Variants in MAP3K2 observed in about 807,000 individuals in gnomAD.
MAP3K2 encodes the protein mitogen-activated protein kinase kinase kinase 2, also known as MAP/ERK kinase kinase 2.
A neutral mutation model predicts 80.3 loss-of-function variants in MAP3K2; 24 were observed. That is an observed-to-expected ratio of 0.30 (90% CI 0.22 to 0.42). The LOEUF (loss-of-function observed/expected upper bound fraction) is 0.42, where lower values mean the gene tolerates loss of function less well. Among genes scored for constraint, MAP3K2 ranks in the 10% least tolerant of loss-of-function variants. The probability of loss-of-function intolerance (pLI) is 1.00; values close to 1 mark genes in which losing one functional copy is unlikely to be tolerated. For synonymous variants in MAP3K2, 244 were observed against 253.7 expected, an observed-to-expected ratio of 0.96 and a Z score of 0.36; for missense variants, 608 against 750.1, an observed-to-expected ratio of 0.81 and a Z score of 2.21.
intron 9 of MAP3K2, among the ~76,000 whole-genome samples, chr2:127,325,459 G>A (rs1413474292): frequency 6.6e-6 from 1 of 152,164 alleles, no homozygotes; most frequent in Non-Finnish European, 1.5e-5. Flanking sequence ...CAGGAGGTTC[G>A]CTTGAGCCCA....
intron 1 of MAP3K2, among the ~76,000 whole-genome samples, chr2:127,375,909 A>G (rs890366498): frequency 2.8e-5 from 4 of 144,504 alleles, no homozygotes; most frequent in Non-Finnish European, 4.5e-5. Flanking sequence ...CCTTGATTGG[A>G]AAAAAAAAAA....
At chr2:127,384,791 TCAC>T (rs901592954) in intron 1 of MAP3K2, among the ~76,000 whole-genome samples, 1 of 151,574 alleles carries the variant, frequency 6.6e-6, no homozygotes, top group Admixed American at 6.6e-5. Flanking sequence ...GCTTCCCAAA[TCAC>T]CACAACCGGC....
rs187735208 is a variant in MAP3K2, at chr2:127,310,200, C to T, written c.1457-1438G>A. Among the ~76,000 whole-genome samples, 181 of 152,336 alleles carry T rather than the reference C, an allele frequency of 1.2e-3. 1 individual carries two copies. Among genetic ancestry groups the T allele is most frequent in the African/African-American group, 4.1e-3 (170 of 41,568 alleles). On this transcript the variant is annotated intron_variant, in intron 15 of 16. Transcript: ENST00000682094. The surrounding 1 kb of genome is among the most constrained non-coding windows in gnomAD (Gnocchi z 4.8). Reference sequence around the variant, plus strand: ...ACTCTGTGTCCCTTTGCCATACCCCCATCATTGTATCCTTGGCTTTTGTTT... The same window carrying T: ...ACTCTGTGTCCCTTTGCCATACCCCTATCATTGTATCCTTGGCTTTTGTTT...
chr2:127,340,811 G>T (rs1274784409), intron 2 of MAP3K2, among the ~76,000 whole-genome samples: 1 of 151,968 alleles, frequency 6.6e-6, no homozygotes, highest in Non-Finnish European at 1.5e-5. Flanking sequence ...TCCCACCTTG[G>T]CCTCCCAAAG....
intron 5 of MAP3K2, 43 bp downstream of exon 5, chr2:127,335,827 T>C: frequency 9.1e-7 from 1 of 1,097,830 alleles, no homozygotes; most frequent in Non-Finnish European, 1.3e-6. Context: ...AACACATTAC[T>C]TTTGAAGGTA....
At chr2:127,380,443 A>G (rs751502644) in intron 1 of MAP3K2, among the ~76,000 whole-genome samples, 76 of 152,368 alleles carry the variant, frequency 5.0e-4, no homozygotes, top group African/African-American at 1.6e-3. Context: ...AAAAAATTCC[A>G]AAGTTTATAA....
intron 1 of MAP3K2, among the ~76,000 whole-genome samples, chr2:127,346,804 A>G (rs1193054301): frequency 2.6e-5 from 4 of 151,990 alleles, no homozygotes; most frequent in Non-Finnish European, 4.4e-5. Context: ...CCTGGCCAAC[A>G]TGGCAAAACC....
chr2:127,319,650 CAAAAAAAAAAAAAAAAA>C lies in MAP3K2; in HGVS notation c.1046-1350_1046-1334del, dbSNP rs57472022. Among the ~76,000 whole-genome samples the C allele has an allele frequency of 5.6e-5, 4 of 71,828 alleles. No homozygotes were observed. In the Admixed American group the frequency reaches 6.4e-4, roughly 11 times the overall value. The allele number at this position is 71,828 out of a possible 152,430, so 47.1% of individuals were successfully genotyped here. ...TGAAACCCCATCTCTACTAAAAATA[CAAAAAAAAAAAAAAAAA>C]AAAAAAAAAAAGAAAAAGAAAAATA... On this transcript the variant is annotated intron_variant, in intron 12 of 16. Coordinates refer to ENST00000682094, the MANE Select transcript of MAP3K2 (RefSeq NM_001371910.2).
chr2:127,345,877 CTG>C (rs1168867738), intron 1 of MAP3K2, among the ~76,000 whole-genome samples: 1 of 152,036 alleles, frequency 6.6e-6, no homozygotes, highest in Non-Finnish European at 1.5e-5. Flanking sequence ...AAATTTATAA[CTG>C]TAAATATTTA....
chr2:127,367,049 T>C (rs1558989030), intron 1 of MAP3K2, among the ~76,000 whole-genome samples: 1 of 152,038 alleles, frequency 6.6e-6, no homozygotes, highest in Non-Finnish European at 1.5e-5. Context: ...TTTTGTATTT[T>C]TATTAATATA....
rs1051490860 is a variant in MAP3K2, at chr2:127,306,020, G to A, written c.*1559C>T. 4 of 150,822 alleles carry A rather than the reference G, an allele frequency of 2.7e-5. No individual in the cohort carries two copies. Among genetic ancestry groups the A allele is most frequent in the African/African-American group, 4.9e-5 (2 of 40,938 alleles). The allele number at this position is 150,822 out of a possible 1,614,324, so 9.3% of individuals were successfully genotyped here. On this transcript the variant is annotated 3_prime_UTR_variant, in exon 17 of 17. Coordinates refer to ENST00000682094, the MANE Select transcript of MAP3K2 (RefSeq NM_001371910.2). The surrounding 1 kb of genome is among the most constrained non-coding windows in gnomAD (Gnocchi z 4.7). Reference sequence around the variant, plus strand: ...TCAAAAGGCTCAGTGTTCAAATTCAGTTTGTTCCTAAAATGAAGAGTTACC... The same window carrying A: ...TCAAAAGGCTCAGTGTTCAAATTCAATTTGTTCCTAAAATGAAGAGTTACC...
chr2:127,309,193 G>C (rs1291465531), intron 15 of MAP3K2, among the ~76,000 whole-genome samples: 1 of 152,116 alleles, frequency 6.6e-6, no homozygotes. Flanking sequence ...GGGACCTTCA[G>C]AACAAAAGCA....
chr2:127,320,608 T>C (rs1199721655), intron 12 of MAP3K2, among the ~76,000 whole-genome samples: 2 of 152,078 alleles, frequency 1.3e-5, no homozygotes, highest in Non-Finnish European at 2.9e-5. Context: ...AAACTATAAA[T>C]ATAATAAACT....
At chr2:127,385,532 A>C (rs531584942) in intron 1 of MAP3K2, among the ~76,000 whole-genome samples, 17 of 152,342 alleles carry the variant, frequency 1.1e-4, no homozygotes, top group African/African-American at 4.1e-4. Context: ...AGTGGTCTGG[A>C]ACCAAAGCCA....
chr2:127,316,664 A>G (rs1573979687), intron 14 of MAP3K2, among the ~76,000 whole-genome samples: 1 of 152,232 alleles, frequency 6.6e-6, no homozygotes, highest in Admixed American at 6.5e-5. Flanking sequence ...GCAGGACTCA[A>G]TATGTCAATC....
intron 3 of MAP3K2, among the ~76,000 whole-genome samples, chr2:127,338,040 T>C (rs957666548): frequency 2.0e-5 from 3 of 152,148 alleles, no homozygotes; most frequent in Non-Finnish European, 4.4e-5. Context: ...GTATGAGACA[T>C]TTGCTGATCC....
intron 2 of MAP3K2, among the ~76,000 whole-genome samples, chr2:127,341,681 C>T (rs866231607): frequency 1.5e-4 from 23 of 151,568 alleles, no homozygotes; most frequent in South Asian, 2.1e-4. Flanking sequence ...TACAGGCGCA[C>T]GCCACCATGC....
At position 127,346,605 on chromosome 2, in the gene MAP3K2, C is replaced by A. The variant is rs141299050; in HGVS notation, c.-65-3411G>T. Among the ~76,000 whole-genome samples the A allele has an allele frequency of 1.6e-3, 244 of 152,076 alleles. 1 individual carries two copies. The highest frequency in any genetic ancestry group is 5.2e-3 in the African/African-American group (215 of 41,428). On this transcript the variant is annotated intron_variant, in intron 1 of 16. Coordinates refer to ENST00000682094, the MANE Select transcript of MAP3K2 (RefSeq NM_001371910.2). Reference sequence around the variant, plus strand: ...AGAACATTAAAAAACAAATTATATACCATGCACATTTGGGATATATCCAAC... The same window carrying A: ...AGAACATTAAAAAACAAATTATATAACATGCACATTTGGGATATATCCAAC...
chr2:127,322,055 G>A lies in MAP3K2; in HGVS notation c.1036C>T (p.Pro346Ser), dbSNP rs189516271. Residue 346 changes from proline to serine, a missense_variant, in exon 12 of 17, where the codon CCC (proline) becomes TCC (serine). Around this residue, in one of 4 missense-constraint regions of MAP3K2, gnomAD observed 467 missense variants for 521.9 expected, o/e 0.89. Coordinates refer to ENST00000682094, the MANE Select transcript of MAP3K2 (RefSeq NM_001371910.2). The surrounding 1 kb of genome is among the most constrained non-coding windows in gnomAD (Gnocchi z 4.2). ...PTLTVMDISP[P>S]SRSPRAPTNW... Reference sequence around the variant, plus strand: ...AAGTTCTATTACTTACAACGGCTGGGTGGGCTGATGTCCATTACGGTCAAA... The same window carrying A: ...AAGTTCTATTACTTACAACGGCTGGATGGGCTGATGTCCATTACGGTCAAA... 4 of 1,612,916 alleles carry A rather than the reference G, an allele frequency of 2.5e-6. No homozygotes were observed. In the Admixed American group the frequency reaches 6.7e-5, roughly 27 times the overall value.
Sources: allele counts gnomAD v4.1 joint callset (sites outside exome capture counted in the v4.1 genomes callset), GRCh38; gene constraint gnomAD v4.1.1; regional missense constraint gnomAD v4.1.1; non-coding constraint Gnocchi (gnomAD v3.1); transcripts MANE v1.5; gene names NCBI Gene and HGNC (gene_info 2026-07-23, HGNC 2026-07-21).